The following SLC39A11 variants were observed in gnomAD, a reference collection of about 807,000 sequenced individuals.
The protein encoded by SLC39A11 is zinc transporter ZIP11.
In SLC39A11, 33 loss-of-function variants were observed where a neutral mutation model predicts 36.1. That is an observed-to-expected ratio of 0.91 (90% CI 0.69 to 1.22). The LOEUF (loss-of-function observed/expected upper bound fraction) is 1.22, where lower values mean the gene tolerates loss of function less well. Among genes scored for constraint, SLC39A11 ranks in the 50% most tolerant of loss-of-function variants. The pLI is 0.00. For synonymous variants in SLC39A11, 166 were observed against 170.3 expected, an observed-to-expected ratio of 0.97 and a Z score of 0.20; for missense variants, 432 against 430.3, an observed-to-expected ratio of 1.00 and a Z score of -0.03.
chr17:72,842,041 G>C (rs924889932), intron 6 of SLC39A11, among the ~76,000 whole-genome samples: 2 of 151,860 alleles, frequency 1.3e-5, no homozygotes, highest in African/African-American at 4.8e-5. Flanking sequence ...CTGCACTCCA[G>C]CCTGAGTGAC....
chr17:72,958,861 AAAAAG>A (rs1277136145), intron 4 of SLC39A11, among the ~76,000 whole-genome samples: 1 of 151,242 alleles, frequency 6.6e-6, no homozygotes, highest in African/African-American at 2.4e-5. Flanking sequence ...AAAAAAAAGA[AAAAAG>A]AAAAAAAAAA....
intron 7 of SLC39A11, among the ~76,000 whole-genome samples, chr17:72,694,200 C>T (rs930241842): frequency 5.9e-5 from 9 of 152,200 alleles, no homozygotes; most frequent in African/African-American, 2.2e-4. Flanking sequence ...CATGCTGGCT[C>T]TGCTGAGCAT....
intron 4 of SLC39A11, among the ~76,000 whole-genome samples, chr17:73,010,855 A>G (rs1490436214): frequency 6.6e-6 from 1 of 152,246 alleles, no homozygotes; most frequent in Non-Finnish European, 1.5e-5. Flanking sequence ...CTCCCCAAAA[A>G]TAACTCACAT....
At chr17:72,900,236 A>G (rs989364457) in intron 5 of SLC39A11, among the ~76,000 whole-genome samples, 2 of 151,656 alleles carry the variant, frequency 1.3e-5, no homozygotes, top group Non-Finnish European at 2.9e-5. Flanking sequence ...AAAGAAAAAG[A>G]CAGCAAGGCA....
chr17:72,923,468 G>A lies in SLC39A11; in HGVS notation c.430+24284C>T, dbSNP rs568804460. Among the ~76,000 whole-genome samples, 66 of 152,308 alleles carry A rather than the reference G, an allele frequency of 4.3e-4. 1 individual carries two copies. Among genetic ancestry groups the A allele is most frequent in the South Asian group, 3.5e-3 (17 of 4,828 alleles). On this transcript the variant is annotated intron_variant, in intron 5 of 9. Transcript: ENST00000255559. ...TGCAAAAAATTAGTACCAGAAGTGGGATATGCCATAACAGATAAAATACAA... is the reference window on the plus strand; with the variant it reads ...TGCAAAAAATTAGTACCAGAAGTGGAATATGCCATAACAGATAAAATACAA...
At chr17:73,061,355 G>A (rs1456170246) in intron 3 of SLC39A11, among the ~76,000 whole-genome samples, 4 of 152,046 alleles carry the variant, frequency 2.6e-5, no homozygotes, top group African/African-American at 4.8e-5. Context: ...GCAAGACTCT[G>A]TCTCAAGGAA....
intron 3 of SLC39A11, among the ~76,000 whole-genome samples, chr17:73,052,198 C>T (rs959604401): frequency 6.6e-6 from 1 of 151,894 alleles, no homozygotes; most frequent in Non-Finnish European, 1.5e-5. Context: ...AGAAGAAAGC[C>T]TCTCAGAGGG....
chr17:73,012,629 C>A (rs993724468), intron 4 of SLC39A11, among the ~76,000 whole-genome samples: 5 of 151,796 alleles, frequency 3.3e-5, no homozygotes, highest in African/African-American at 1.2e-4. Flanking sequence ...AGGAGTAGGA[C>A]TGAACCTGTC....
chr17:72,746,274 A>G (rs1006000412), intron 6 of SLC39A11, among the ~76,000 whole-genome samples: 11 of 152,180 alleles, frequency 7.2e-5, no homozygotes, highest in African/African-American at 2.7e-4. Flanking sequence ...CTGAACATCC[A>G]CATGTACATT....
rs1313972550 is a variant in SLC39A11 at position 72,758,560 on chromosome 17, AAT to A, written c.602-21843_602-21842del. Among the ~76,000 whole-genome samples the A allele has an allele frequency of 2.0e-5, 3 of 152,308 alleles. No homozygotes were observed. In the East Asian group the frequency reaches 5.8e-4, roughly 29 times the overall value. ...TTTCCTGGAAAGTCTTTCCTTCCCT[AAT>A]ATAGACTCCAACCCATCCTGAAGAA... is the stretch of plus-strand genomic sequence containing the variant. On this transcript the variant is annotated intron_variant, in intron 6 of 9. Coordinates refer to ENST00000255559, the MANE Select transcript of SLC39A11 (RefSeq NM_139177.4).
chr17:72,790,194 G>A (rs1474863101), intron 6 of SLC39A11, among the ~76,000 whole-genome samples: 3 of 152,156 alleles, frequency 2.0e-5, no homozygotes, highest in African/African-American at 7.2e-5. Flanking sequence ...TCAATTTCCT[G>A]TGTCCTCAGG....
intron 6 of SLC39A11, chr17:72,837,957 T>C (rs567006280): frequency 5.0e-5 from 61 of 1,230,236 alleles, no homozygotes; most frequent in Non-Finnish European, 6.2e-5. Context: ...TCAAAGAGTG[T>C]GGGGTTTCTT....
chr17:72,974,575 G>C (rs754365746), intron 4 of SLC39A11, among the ~76,000 whole-genome samples: 34 of 152,208 alleles, frequency 2.2e-4, no homozygotes, highest in Non-Finnish European at 4.1e-4. Flanking sequence ...TATTACAAAA[G>C]AGTCAAAACG....
At chr17:72,864,953 A>G (rs945929872) in intron 5 of SLC39A11, among the ~76,000 whole-genome samples, 2 of 152,192 alleles carry the variant, frequency 1.3e-5, no homozygotes, top group Admixed American at 1.3e-4. Context: ...CTGTTTTGCA[A>G]ATTTAAATTT....
intron 7 of SLC39A11, among the ~76,000 whole-genome samples, chr17:72,669,941 G>A (rs920864919): frequency 6.8e-6 from 1 of 146,062 alleles, no homozygotes; most frequent in Non-Finnish European, 1.5e-5. Context: ...TATACGTATA[G>A]ATGTATATAC....
intron 5 of SLC39A11, among the ~76,000 whole-genome samples, chr17:72,889,485 T>C (rs960247727): frequency 1.3e-5 from 2 of 151,348 alleles, no homozygotes; most frequent in African/African-American, 2.4e-5. Context: ...TGCAGTGAGC[T>C]GAGATCGTGC....
At chr17:72,932,899 T>C (rs932006907) in intron 5 of SLC39A11, among the ~76,000 whole-genome samples, 2 of 152,168 alleles carry the variant, frequency 1.3e-5, no homozygotes, top group Non-Finnish European at 2.9e-5. Context: ...ATCTATACCA[T>C]TTCTATATTG....
intron 6 of SLC39A11, among the ~76,000 whole-genome samples, chr17:72,757,179 T>C (rs182958582): frequency 1.3e-5 from 2 of 151,222 alleles, no homozygotes; most frequent in East Asian, 3.9e-4. Context: ...AAATAAATAA[T>C]AAATAAAATA....
chr17:72,777,128 T>A (rs1055881814), intron 6 of SLC39A11, among the ~76,000 whole-genome samples: 1 of 152,178 alleles, frequency 6.6e-6, no homozygotes, highest in African/African-American at 2.4e-5. Context: ...CGGGCTTTAG[T>A]GTTTAATAAG....
Sources: allele counts gnomAD v4.1 joint callset (sites outside exome capture counted in the v4.1 genomes callset), GRCh38; gene constraint gnomAD v4.1.1; transcripts MANE v1.5; gene names NCBI Gene and HGNC (gene_info 2026-07-23, HGNC 2026-07-21).